DCAF12: variants seen among roughly 807,000 people sequenced by gnomAD.
DCAF12 encodes the protein DDB1- and CUL4-associated factor 12.
Under a neutral mutation model 52.8 loss-of-function variants are expected in DCAF12, and 28 were observed. The ratio of observed to expected loss-of-function variants is 0.53; its 90% CI spans 0.39 to 0.73. DCAF12 has a LOEUF of 0.73. Among genes scored for constraint, DCAF12 ranks in the 30% least tolerant of loss-of-function variants. The probability of loss-of-function intolerance (pLI) is 0.00; values close to 1 mark genes in which losing one functional copy is unlikely to be tolerated. For synonymous variants in DCAF12, 196 were observed against 215.5 expected, an observed-to-expected ratio of 0.91 and a Z score of 0.79; for missense variants, 425 against 552.2, an observed-to-expected ratio of 0.77 and a Z score of 2.31.
At chr9:34,097,592 G>T (rs1828755245) in intron 5 of DCAF12, among the ~76,000 whole-genome samples, 1 of 151,854 alleles carries the variant, frequency 6.6e-6, no homozygotes. Flanking sequence ...CATCAGATCT[G>T]ACTCAATAAG....
chr9:34,095,256 G>A (rs1828717197), intron 6 of DCAF12, among the ~76,000 whole-genome samples: 1 of 151,336 alleles, frequency 6.6e-6, no homozygotes, highest in Non-Finnish European at 1.5e-5. Flanking sequence ...TGTATTTTTA[G>A]TAGAGACGGG....
chr9:34,097,527 A>C (rs1261490510), intron 5 of DCAF12, among the ~76,000 whole-genome samples: 1 of 152,012 alleles, frequency 6.6e-6, no homozygotes, highest in Non-Finnish European at 1.5e-5. Context: ...AAGTGCAGGG[A>C]TTACAGGCGT....
At chr9:34,124,733 A>G (rs1829221115) in intron 2 of DCAF12, among the ~76,000 whole-genome samples, 1 of 152,212 alleles carries the variant, frequency 6.6e-6, no homozygotes, top group African/African-American at 2.4e-5. Context: ...AAAAACCAGC[A>G]TAAAAATATG....
chr9:34,105,960 G>T (rs1828897828), intron 4 of DCAF12, among the ~76,000 whole-genome samples: 1 of 152,040 alleles, frequency 6.6e-6, no homozygotes, highest in Non-Finnish European at 1.5e-5. Context: ...ATGCTGGCCA[G>T]CCTGGTCTCG....
chr9:34,088,321 T>C lies in DCAF12; in HGVS notation c.*29A>G. ...CAAGGAAACTGAGAATGGAAGTTAG[T>C]GTAAATCTCTGCATTTGGGGAGTTG... On this transcript the variant is annotated 3_prime_UTR_variant, in exon 9 of 9. Transcript: ENST00000361264. The C allele has an allele frequency of 6.6e-7, 1 of 1,521,962 alleles. No individual in the cohort carries two copies. Among genetic ancestry groups the C allele is most frequent in the Non-Finnish European group, 8.8e-7 (1 of 1,139,440 alleles). The allele number at this position is 1,521,962 out of a possible 1,614,324, so 94.3% of individuals were successfully genotyped here.
rs571512817 is a variant in DCAF12, at chr9:34,091,616, T to TGATAGA, written c.1024+1664_1024+1669dup. On this transcript the variant is annotated intron_variant, in intron 7 of 8. Transcript: ENST00000361264. Reference sequence around the variant, plus strand: ...TTGCACCACTTTCCTCCAGCCTGGCTGATAGAGTGAGGACCCTGTCTTCAA... The same window carrying TGATAGA: ...TTGCACCACTTTCCTCCAGCCTGGCTGATAGAGATAGAGTGAGGACCCTGTCTTCAA... Among the ~76,000 whole-genome samples, 17 of 126,050 alleles carry TGATAGA rather than the reference T, an allele frequency of 1.3e-4. 1 individual carries two copies. The South Asian group carries it at 4.0e-3, about 30-fold the overall frequency. 82.7% of individuals were successfully genotyped at this position (126,050 alleles called of 152,430 possible).
At chr9:34,096,919 G>A (rs1268873237) in intron 5 of DCAF12, 138 bp from the exon 6 acceptor site, 2 of 720,726 alleles carry the variant, frequency 2.8e-6, no homozygotes, top group African/African-American at 3.5e-5. Flanking sequence ...GTAATTATTA[G>A]ACCATTACTT....
In DCAF12 at chr9:34,106,490, C is replaced by A; in HGVS notation, c.545G>T (p.Gly182Val). Residue 182 changes from glycine to valine, a missense_variant, in exon 4 of 9, where the codon GGA becomes GTA. By Grantham distance (109) the Gly-to-Val change is moderately radical. Around this residue, in one of 3 missense-constraint regions of DCAF12, gnomAD observed 328 missense variants for 444.4 expected, o/e 0.74. Coordinates refer to ENST00000361264, the MANE Select transcript of DCAF12 (RefSeq NM_015397.4). ...TLDPVCVGDD[G>V]HKDWIFSIAW... ...GATGGAAAAGATCCAGTCCTTGTGT[C>A]CATCCTTGGAGAGCAGGGAGTAACA... The A allele has an allele frequency of 6.2e-7, 1 of 1,610,036 alleles. No homozygotes were observed. The highest frequency in any genetic ancestry group is 1.1e-5 in the South Asian group (1 of 90,442).
chr9:34,105,129 T>TGTA (rs1828884842), intron 4 of DCAF12, among the ~76,000 whole-genome samples: 1 of 151,982 alleles, frequency 6.6e-6, no homozygotes, highest in Admixed American at 6.6e-5. Context: ...GGTGGGCACC[T>TGTA]GTAATCCCAG....
chr9:34,100,232 A>C (rs1828805348), intron 4 of DCAF12, among the ~76,000 whole-genome samples: 1 of 129,296 alleles, frequency 7.7e-6, no homozygotes, highest in African/African-American at 3.0e-5. Context: ...GGAGTCTCAC[A>C]CTGTCGCCCA....
chr9:34,125,413 A>G (rs1043104783), intron 1 of DCAF12, 136 bp from the exon 2 acceptor site: 1 of 1,040,296 alleles, frequency 9.6e-7, no homozygotes, highest in East Asian at 2.5e-5. Flanking sequence ...CAAGAGAACA[A>G]GAATCTCAAT....
At position 34,112,281 on chromosome 9, in the gene DCAF12, T is replaced by C. The variant is rs148104182; in HGVS notation, c.334-4716A>G. Among the ~76,000 whole-genome samples, 461 of 152,190 alleles carry C rather than the reference T, an allele frequency of 3.0e-3. 2 individuals are homozygous for C. The highest frequency in any genetic ancestry group is 8.8e-3 in the African/African-American group (364 of 41,530). On this transcript the variant is annotated intron_variant, in intron 2 of 8. Coordinates refer to ENST00000361264, the MANE Select transcript of DCAF12 (RefSeq NM_015397.4). ...AACTCGTCTTTCCAATAAATGTGAG[T>C]GGGTTTCTTATCCTTTTAAACAAAT...
chr9:34,093,298 C>A lies in DCAF12; in HGVS notation c.1012G>T (p.Glu338Ter). ...CAGGGACTCTTACCACTGCCTCGCT[C>A]CCTGGAACAGACAGACTTGACGTTG... Reference protein sequence around the residue: ...SYNVKSVCSRERGSGIRSVSF... With the variant: ...SYNVKSVCSR The change falls in exon 7 of 9, where the codon GAG becomes TAG. Residue 338 changes from glutamate to a stop codon, truncating the protein, a stop_gained. Coordinates refer to ENST00000361264, the MANE Select transcript of DCAF12 (RefSeq NM_015397.4). LOFTEE classifies it high-confidence loss of function. 6.2e-7 allele frequency: 1 copy of A among 1,614,170 alleles called. No homozygotes were observed. The highest frequency in any genetic ancestry group is 1.1e-5 in the South Asian group (1 of 91,082).
At chr9:34,099,323 G>T (rs544819506) in intron 4 of DCAF12, among the ~76,000 whole-genome samples, 1 of 150,644 alleles carries the variant, frequency 6.6e-6, no homozygotes, top group African/African-American at 2.4e-5. Context: ...TGCAACCTCC[G>T]CCTCCCAGGT....
Position 34,088,512 on chromosome 9 carries a change from C to T in DCAF12, c.1204-4G>A, listed in dbSNP as rs1564092339. The T allele has an allele frequency of 3.7e-6, 6 of 1,613,898 alleles. No homozygotes were observed. The highest frequency in any genetic ancestry group is 1.3e-5 in the African/African-American group (1 of 74,986). On this transcript the variant is annotated splice_region_variant and splice_polypyrimidine_tract_variant and intron_variant, in intron 8 of 8. Coordinates refer to ENST00000361264, the MANE Select transcript of DCAF12 (RefSeq NM_015397.4). Reference sequence around the variant, plus strand: ...TCCTCCAGGTTTCATCATGATTCTACGGGAAGAGAAAGAGACTACAATTAG... The same window carrying T: ...TCCTCCAGGTTTCATCATGATTCTATGGGAAGAGAAAGAGACTACAATTAG...
chr9:34,126,394 G>C lies in DCAF12; in HGVS notation c.38C>G (p.Pro13Arg), dbSNP rs761849168. 1 of 1,610,650 alleles carries C rather than the reference G, an allele frequency of 6.2e-7. No homozygotes were observed. The highest frequency in any genetic ancestry group is 8.5e-7 in the Non-Finnish European group (1 of 1,179,754). Residue 13 changes from proline to arginine, a missense_variant, in exon 1 of 9, where the codon CCC (proline) becomes CGC (arginine). This residue lies in a region of DCAF12 where 89 missense variants were observed against 84.9 expected (regional missense o/e 1.05). Transcript: ENST00000361264. ...RKVVSRKRKA[P>R]ASPGAGSDAQ... ...GTCGCTCCCAGCTCCCGGCGAGGCG[G>C]GCGCTTTCCGCTTCCTGCTAACTAC... is the stretch of plus-strand genomic sequence containing the variant.
intron 6 of DCAF12, among the ~76,000 whole-genome samples, chr9:34,094,358 AT>A (rs1217754821): frequency 6.6e-6 from 1 of 151,604 alleles, no homozygotes; most frequent in African/African-American, 2.4e-5. Context: ...GTGAGCTGAG[AT>A]CGTGCCACTG....
At chr9:34,119,738 G>C (rs1829143110) in intron 2 of DCAF12, among the ~76,000 whole-genome samples, 1 of 136,200 alleles carries the variant, frequency 7.3e-6, no homozygotes, top group Non-Finnish European at 1.5e-5. Flanking sequence ...GTCGTGCTCT[G>C]TCACCCAGGC....
intron 4 of DCAF12, among the ~76,000 whole-genome samples, chr9:34,105,694 G>A (rs973130509): frequency 5.9e-5 from 9 of 151,608 alleles, no homozygotes; most frequent in African/African-American, 2.2e-4. Context: ...TCTCTGGATA[G>A]AGATCTTGTG....
Sources: allele counts gnomAD v4.1 joint callset (sites outside exome capture counted in the v4.1 genomes callset), GRCh38; gene constraint gnomAD v4.1.1; regional missense constraint gnomAD v4.1.1; transcripts MANE v1.5; gene names NCBI Gene and HGNC (gene_info 2026-07-23, HGNC 2026-07-21).